VTI1A: variants seen among roughly 807,000 people sequenced by gnomAD.
VTI1A encodes vesicle transport through interaction with t-SNAREs 1A.
In VTI1A, 22 loss-of-function variants were observed where a neutral mutation model predicts 34.9. The ratio of observed to expected loss-of-function variants is 0.63; its 90% CI spans 0.45 to 0.90. The LOEUF (loss-of-function observed/expected upper bound fraction) is 0.90, where lower values mean the gene tolerates loss of function less well. Ranked by LOEUF, VTI1A falls within the 40% of genes least tolerant of loss-of-function variation. The probability of loss-of-function intolerance (pLI) is 0.00; values close to 1 mark genes in which losing one functional copy is unlikely to be tolerated. For missense variants in VTI1A, 268 were observed against 275.6 expected (o/e 0.97, Z 0.20); for synonymous variants, 87 against 97.3 (o/e 0.89, Z 0.62).
At chr10:112,764,256 AAT>A (rs1265172375) in intron 7 of VTI1A, among the ~76,000 whole-genome samples, 1 of 152,090 alleles carries the variant, frequency 6.6e-6, no homozygotes, top group Non-Finnish European at 1.5e-5. Flanking sequence ...ACTTAACCCC[AAT>A]CAGTGCCTGC....
intron 7 of VTI1A, among the ~76,000 whole-genome samples, chr10:112,699,926 C>G (rs1407407044): frequency 6.6e-6 from 1 of 151,666 alleles, no homozygotes; most frequent in Non-Finnish European, 1.5e-5. Context: ...CAAGACCAGC[C>G]TGGCCAAGAT....
intron 7 of VTI1A, among the ~76,000 whole-genome samples, chr10:112,725,838 A>T (rs557245141): frequency 2.0e-5 from 3 of 152,168 alleles, no homozygotes; most frequent in Non-Finnish European, 4.4e-5. Context: ...ACTTTTATCT[A>T]TTTTATAGGT....
At chr10:112,641,620 C>T (rs931656523) in intron 5 of VTI1A, among the ~76,000 whole-genome samples, 5 of 152,184 alleles carry the variant, frequency 3.3e-5, no homozygotes, top group African/African-American at 9.7e-5. Flanking sequence ...AAGCCCCACT[C>T]GTAGAAGGTC....
At chr10:112,453,238 A>G (rs999782286) in intron 1 of VTI1A, among the ~76,000 whole-genome samples, 9 of 152,198 alleles carry the variant, frequency 5.9e-5, no homozygotes, top group African/African-American at 1.9e-4. Context: ...CATACCAAGA[A>G]TACATACTGT....
chr10:112,623,965 A>G (rs11196024), intron 5 of VTI1A, among the ~76,000 whole-genome samples: 16,420 of 152,214 alleles, frequency 0.11, 987 homozygotes, highest in African/African-American at 0.14. Context: ...CAGCAGATCT[A>G]TTTGCAAGGG....
intron 5 of VTI1A, among the ~76,000 whole-genome samples, chr10:112,589,700 A>G (rs1844310042): frequency 4.6e-5 from 7 of 152,138 alleles, no homozygotes; most frequent in Admixed American, 3.9e-4. Context: ...TGGGGTAGGT[A>G]TTTTTATTGT....
intron 7 of VTI1A, among the ~76,000 whole-genome samples, chr10:112,674,645 C>T (rs1237224846): frequency 6.6e-6 from 1 of 152,174 alleles, no homozygotes; most frequent in Admixed American, 6.5e-5. Flanking sequence ...ATATGTGACC[C>T]TCAATCATGT....
intron 5 of VTI1A, among the ~76,000 whole-genome samples, chr10:112,633,644 C>T (rs1393972597): frequency 5.9e-5 from 9 of 152,120 alleles, no homozygotes; most frequent in African/African-American, 1.9e-4. Context: ...AGTAATGTCT[C>T]CCATGCAGAG....
chr10:112,541,723 C>T (rs931249258), intron 5 of VTI1A, among the ~76,000 whole-genome samples: 1 of 152,200 alleles, frequency 6.6e-6, no homozygotes, highest in African/African-American at 2.4e-5. Context: ...GTCATTGTCT[C>T]TTCTGGAACT....
chr10:112,585,952 G>A (rs1844137020), intron 5 of VTI1A, among the ~76,000 whole-genome samples: 1 of 152,192 alleles, frequency 6.6e-6, no homozygotes, highest in South Asian at 2.1e-4. Flanking sequence ...TCATCAGACT[G>A]TTGGAGTCAA....
At chr10:112,485,959 C>T (rs1848611042) in intron 3 of VTI1A, among the ~76,000 whole-genome samples, 1 of 152,076 alleles carries the variant, frequency 6.6e-6, no homozygotes, top group Non-Finnish European at 1.5e-5. Context: ...GTTTTTTTCC[C>T]ATGCTCATTT....
At chr10:112,833,842 GA>G in the VTI1A span, among the ~76,000 whole-genome samples, 1 of 152,096 alleles carries the variant, frequency 6.6e-6, no homozygotes, top group Non-Finnish European at 1.5e-5. Flanking sequence ...AGTATCCTTA[GA>G]AAAATGCAGT....
At chr10:112,621,587 C>G (rs1212159808) in intron 5 of VTI1A, among the ~76,000 whole-genome samples, 5 of 152,192 alleles carry the variant, frequency 3.3e-5, no homozygotes, top group Non-Finnish European at 4.4e-5. Context: ...CTAAATTCTC[C>G]TAATCTGGGA....
chr10:112,719,709 G>T (rs926063821), intron 7 of VTI1A, among the ~76,000 whole-genome samples: 1 of 152,144 alleles, frequency 6.6e-6, no homozygotes, highest in Non-Finnish European at 1.5e-5. Flanking sequence ...ACCACACCCT[G>T]CTAGTTTTGT....
At chr10:112,555,449 CTCTT>C (rs1339162456) in intron 5 of VTI1A, among the ~76,000 whole-genome samples, 1 of 152,080 alleles carries the variant, frequency 6.6e-6, no homozygotes, top group African/African-American at 2.4e-5. Context: ...ACTTTAAAAA[CTCTT>C]TCTATGTATG....
At chr10:112,694,132 G>A (rs572319196) in intron 7 of VTI1A, among the ~76,000 whole-genome samples, 2 of 152,274 alleles carry the variant, frequency 1.3e-5, no homozygotes, top group Middle Eastern at 3.4e-3. Context: ...CTTGAACCCA[G>A]GAGGCGGAGC....
At chr10:112,782,973 A>G (rs1216510655) in intron 7 of VTI1A, among the ~76,000 whole-genome samples, 1 of 152,236 alleles carries the variant, frequency 6.6e-6, no homozygotes. Flanking sequence ...TCGAAAGTGC[A>G]GAACTTGGTA....
chr10:112,704,067 C>T (rs930344889), intron 7 of VTI1A, among the ~76,000 whole-genome samples: 3 of 152,242 alleles, frequency 2.0e-5, no homozygotes, highest in Non-Finnish European at 2.9e-5. Flanking sequence ...GTCTTTTCTT[C>T]GGTCTTATTT....
chr10:112,498,803 A>G (rs375150798), intron 3 of VTI1A, among the ~76,000 whole-genome samples: 3 of 152,080 alleles, frequency 2.0e-5, no homozygotes, highest in African/African-American at 7.2e-5. Context: ...TAGATGAACA[A>G]TTTTCTTAGA....
Sources: allele counts gnomAD v4.1 joint callset (sites outside exome capture counted in the v4.1 genomes callset), GRCh38; gene constraint gnomAD v4.1.1; transcripts MANE v1.5; gene names NCBI Gene and HGNC (gene_info 2026-07-23, HGNC 2026-07-21).